Variants in AKAP12 observed in about 807,000 individuals in gnomAD.
AKAP12 encodes A-kinase anchor protein 12.
In AKAP12, 32 loss-of-function variants were observed where a neutral mutation model predicts 79.9. The observed-to-expected ratio is 0.40, with a 90% confidence interval of 0.30 to 0.54. The LOEUF (loss-of-function observed/expected upper bound fraction) is 0.54, where lower values mean the gene tolerates loss of function less well. Among genes scored for constraint, AKAP12 ranks in the 20% least tolerant of loss-of-function variants. The pLI is 0.48. For missense variants in AKAP12, 2,074 were observed against 2,177.0 expected (o/e 0.95, Z 0.94); for synonymous variants, 808 against 857.0 (o/e 0.94, Z 1.00).
At chr6:151,301,245 G>A (rs948950204) in intron 2 of AKAP12, among the ~76,000 whole-genome samples, 3 of 152,144 alleles carry the variant, frequency 2.0e-5, no homozygotes, top group African/African-American at 7.2e-5. Context: ...GGCCATTTGA[G>A]TTGCAGACAG....
chr6:151,308,788 A>G (rs1420984167), intron 3 of AKAP12, among the ~76,000 whole-genome samples: 4 of 152,094 alleles, frequency 2.6e-5, no homozygotes, highest in African/African-American at 7.2e-5. Flanking sequence ...TAGCCTGACA[A>G]TGTAAATACA....
intron 3 of AKAP12, among the ~76,000 whole-genome samples, chr6:151,321,797 C>T (rs1313605328): frequency 2.0e-5 from 3 of 152,008 alleles, no homozygotes; most frequent in Non-Finnish European, 1.5e-5. Context: ...TTTACCTTCC[C>T]AATAGCGATG....
chr6:151,250,656 A>G (rs1797155869), intron 2 of AKAP12, among the ~76,000 whole-genome samples: 1 of 148,862 alleles, frequency 6.7e-6, no homozygotes, highest in African/African-American at 2.5e-5. Flanking sequence ...CCCAGGCTGG[A>G]GTGCAGTGGC....
At chr6:151,298,480 A>G (rs1476252272) in intron 2 of AKAP12, among the ~76,000 whole-genome samples, 4 of 152,278 alleles carry the variant, frequency 2.6e-5, no homozygotes, top group East Asian at 1.9e-4. Context: ...GATGTTTCCA[A>G]TATTCTTTGA....
chr6:151,343,043 G>GT (rs1777993293), intron 3 of AKAP12, among the ~76,000 whole-genome samples: 1 of 152,206 alleles, frequency 6.6e-6, no homozygotes, highest in African/African-American at 2.4e-5. Flanking sequence ...GATTACAGGT[G>GT]TGAGCCATAG....
intron 3 of AKAP12, among the ~76,000 whole-genome samples, chr6:151,309,536 C>G (rs1345654672): frequency 6.6e-6 from 1 of 152,110 alleles, no homozygotes; most frequent in East Asian, 1.9e-4. Flanking sequence ...ACTGGAAATA[C>G]TGGTAGTTCA....
intron 2 of AKAP12, among the ~76,000 whole-genome samples, chr6:151,296,043 T>G (rs1050364382): frequency 1.1e-4 from 16 of 152,196 alleles, no homozygotes; most frequent in African/African-American, 3.6e-4. Context: ...TATCATGAAA[T>G]TTATAACGAG....
intron 3 of AKAP12, among the ~76,000 whole-genome samples, chr6:151,335,755 G>A (rs1219584847): frequency 2.0e-5 from 3 of 152,132 alleles, no homozygotes; most frequent in Non-Finnish European, 2.9e-5. Flanking sequence ...TTACAGCCCC[G>A]TGAGCCACTG....
intron 2 of AKAP12, among the ~76,000 whole-genome samples, chr6:151,281,467 T>C (rs1776406404): frequency 6.6e-6 from 1 of 152,224 alleles, no homozygotes; most frequent in South Asian, 2.1e-4. Flanking sequence ...GCAGATTTAG[T>C]GCCCACTTTA....
chr6:151,255,046 C>T (rs78497942), intron 2 of AKAP12, among the ~76,000 whole-genome samples: 3 of 152,206 alleles, frequency 2.0e-5, no homozygotes, highest in Middle Eastern at 3.4e-3. Context: ...ACTTCCCAGC[C>T]GCTAGGAGGG....
intron 3 of AKAP12, among the ~76,000 whole-genome samples, chr6:151,329,349 C>T (rs1196377170): frequency 6.6e-6 from 1 of 152,144 alleles, no homozygotes; most frequent in Admixed American, 6.6e-5. Context: ...CTCCTGACCT[C>T]AGGTGATCCA....
At chr6:151,345,337 A>C (rs1282938573) in intron 3 of AKAP12, among the ~76,000 whole-genome samples, 1 of 151,582 alleles carries the variant, frequency 6.6e-6, no homozygotes, top group African/African-American at 2.4e-5. Flanking sequence ...AGCCTCCCAG[A>C]GTGCTGGGAT....
chr6:151,332,186 G>A (rs896396286), intron 3 of AKAP12, among the ~76,000 whole-genome samples: 23 of 151,714 alleles, frequency 1.5e-4, no homozygotes, highest in Admixed American at 1.2e-3. Flanking sequence ...ACAGGCGCCC[G>A]CCACCACATC....
intron 3 of AKAP12, among the ~76,000 whole-genome samples, chr6:151,343,265 G>A (rs1350973327): frequency 6.6e-6 from 1 of 152,144 alleles, no homozygotes; most frequent in Non-Finnish European, 1.5e-5. Flanking sequence ...ACATGTCTCT[G>A]CATTTTCTGA....
chr6:151,285,560 C>A (rs62441530), intron 2 of AKAP12, among the ~76,000 whole-genome samples: 2 of 151,420 alleles, frequency 1.3e-5, no homozygotes, highest in South Asian at 2.1e-4. Context: ...TCCTTTCTTG[C>A]GGTGACTTCT....
chr6:151,342,944 G>T (rs1777990733), intron 3 of AKAP12, among the ~76,000 whole-genome samples: 1 of 152,106 alleles, frequency 6.6e-6, no homozygotes, highest in South Asian at 2.1e-4. Context: ...TGTATTTTTA[G>T]TAGAGATGGG....
At chr6:151,341,288 A>G (rs893666157) in intron 3 of AKAP12, among the ~76,000 whole-genome samples, 4 of 152,050 alleles carry the variant, frequency 2.6e-5, no homozygotes, top group African/African-American at 9.7e-5. Context: ...TCCTGATCTC[A>G]GGTGATCCGC....
chr6:151,319,188 C>G (rs1777304194), intron 3 of AKAP12, among the ~76,000 whole-genome samples: 2 of 151,862 alleles, frequency 1.3e-5, no homozygotes, highest in Admixed American at 1.3e-4. Context: ...ATAACAATTC[C>G]TTTGAGGAAC....
Position 151,350,091 on chromosome 6 carries a change from C to T in AKAP12, c.1700C>T (p.Ala567Val), listed in dbSNP as rs998437810. 10 of 1,613,908 alleles carry T rather than the reference C, an allele frequency of 6.2e-6. No homozygotes were observed. The highest frequency in any genetic ancestry group is 8.5e-6 in the Non-Finnish European group (10 of 1,179,998). The change falls in exon 4 of 5, where the codon GCC becomes GTC. Residue 567 changes from alanine to valine, a missense_variant. Ala to Val is a moderately conservative substitution (Grantham distance 64). Coordinates refer to ENST00000402676, the MANE Select transcript of AKAP12 (RefSeq NM_005100.4). The surrounding 1 kb of genome is among the most constrained non-coding windows in gnomAD (Gnocchi z 4.8). ...GAGGAGCAAAAGGGCGAGAGCTCTG[C>T]CTCATCCCCTGAGGAGCCCGAGGAG... ...SQEEQKGESS[A>V]SSPEEPEEIT...
Sources: allele counts gnomAD v4.1 joint callset (sites outside exome capture counted in the v4.1 genomes callset), GRCh38; gene constraint gnomAD v4.1.1; non-coding constraint Gnocchi (gnomAD v3.1); transcripts MANE v1.5; gene names NCBI Gene and HGNC (gene_info 2026-07-23, HGNC 2026-07-21).